Variants in CNTN3 observed in about 807,000 individuals in gnomAD.
CNTN3 encodes contactin 3.
Under a neutral mutation model 119.1 loss-of-function variants are expected in CNTN3, and 60 were observed. The ratio of observed to expected loss-of-function variants is 0.50; its 90% confidence interval spans 0.41 to 0.62. CNTN3 has a LOEUF of 0.62. CNTN3 is among the 20% of genes least tolerant of loss of function. CNTN3 has a pLI of 0.00. For missense variants in CNTN3, 1,101 were observed against 1,242.4 expected, an observed-to-expected ratio of 0.89 and a Z score of 1.71; for synonymous variants, 450 against 438.7, an observed-to-expected ratio of 1.03 and a Z score of -0.32.
At chr3:74,466,219 A>C (rs1458731929) in intron 4 of CNTN3, among the ~76,000 whole-genome samples, 1 of 152,198 alleles carries the variant, frequency 6.6e-6, no homozygotes, top group African/African-American at 2.4e-5. Flanking sequence ...AAACTTAGGA[A>C]GAATTTACAG....
At chr3:74,470,864 CG>C (rs1559619854) in intron 4 of CNTN3, among the ~76,000 whole-genome samples, 3 of 112,480 alleles carry the variant, frequency 2.7e-5, no homozygotes, top group African/African-American at 1.1e-4. Flanking sequence ...AAAACATATT[CG>C]GTTTTTTGTT....
chr3:74,392,254 A>C (rs955222215), intron 5 of CNTN3, among the ~76,000 whole-genome samples: 2 of 152,182 alleles, frequency 1.3e-5, no homozygotes, highest in African/African-American at 4.8e-5. Flanking sequence ...GAGGCAAGGG[A>C]GTTACTGATG....
In CNTN3 at chr3:74,614,551, T is replaced by G. The variant is rs996978242; in HGVS notation, c.-241A>C. Among the ~76,000 whole-genome samples the G allele has an allele frequency of 1.4e-5, 2 of 146,268 alleles. No homozygotes were observed. The highest frequency in any genetic ancestry group is 6.8e-5 in the Admixed American group (1 of 14,750). Reference sequence around the variant, plus strand: ...CGCCGCCGCAGGCGCAGCACCCTCGTCCGCACGGTTCCCGGCCCAGTCCAC... The same window carrying G: ...CGCCGCCGCAGGCGCAGCACCCTCGGCCGCACGGTTCCCGGCCCAGTCCAC... On this transcript the variant is annotated 5_prime_UTR_variant, in exon 1 of 23. Transcript: ENST00000263665.
At position 74,266,522 on chromosome 3, in the gene CNTN3, T is replaced by C. The variant is rs867120448; in HGVS notation, c.2945A>G (p.Asp982Gly). The C allele has an allele frequency of 6.2e-7, 1 of 1,613,446 alleles. No homozygotes were observed. Among genetic ancestry groups the C allele is most frequent in the Non-Finnish European group, 8.5e-7 (1 of 1,179,588 alleles). The change falls in exon 22 of 23, where the codon GAT becomes GGT. Residue 982 changes from aspartate to glycine, a missense_variant. Asp to Gly is a moderately conservative substitution (Grantham distance 94). Coordinates refer to ENST00000263665, the MANE Select transcript of CNTN3 (RefSeq NM_020872.3). The stretch of plus-strand genomic sequence containing the variant: ...CCTGATCTGTTCACTACTGGTCCCA[T>C]CCCCTCCATCTGTTGTGGCCTTGAC... ...IEVKATTDGG[D>G]GTSSEQIRIP...
At chr3:74,285,601 A>G in intron 19 of CNTN3, 110 bp from the exon 20 acceptor site, 1 of 1,107,662 alleles carries the variant, frequency 9.0e-7, no homozygotes, top group African/African-American at 1.6e-5. Flanking sequence ...TGTTCAACCA[A>G]TATTTACTGA....
intron 5 of CNTN3, among the ~76,000 whole-genome samples, chr3:74,373,915 G>T (rs919518045): frequency 6.6e-6 from 1 of 152,114 alleles, no homozygotes; most frequent in African/African-American, 2.4e-5. Flanking sequence ...GGTGCAGACT[G>T]GTGCAGACAT....
At chr3:74,408,578 G>A (rs541264827) in intron 5 of CNTN3, among the ~76,000 whole-genome samples, 13 of 152,180 alleles carry the variant, frequency 8.5e-5, no homozygotes, top group Non-Finnish European at 1.9e-4. Context: ...TTCCTAATGC[G>A]GCCAGATCTC....
intron 20 of CNTN3, among the ~76,000 whole-genome samples, chr3:74,279,814 A>G (rs1197482425): frequency 6.6e-6 from 1 of 152,010 alleles, no homozygotes; most frequent in African/African-American, 2.4e-5. Context: ...TAAAAGTCAA[A>G]CAATTGAACT....
intron 1 of CNTN3, among the ~76,000 whole-genome samples, chr3:74,611,748 C>T (rs1705085474): frequency 1.3e-5 from 2 of 152,098 alleles, no homozygotes; most frequent in African/African-American, 4.8e-5. Context: ...AAAGTATATG[C>T]ATATGCATGT....
intron 5 of CNTN3, among the ~76,000 whole-genome samples, chr3:74,376,457 T>C (rs949308360): frequency 6.6e-6 from 1 of 152,150 alleles, no homozygotes; most frequent in African/African-American, 2.4e-5. Flanking sequence ...GAACCGAACA[T>C]GTGAGGGATC....
intron 4 of CNTN3, among the ~76,000 whole-genome samples, chr3:74,453,375 T>C (rs1434647522): frequency 6.7e-6 from 1 of 149,938 alleles, no homozygotes; most frequent in Non-Finnish European, 1.5e-5. Context: ...CCCTTTATCA[T>C]TTTTTATTGC....
chr3:74,366,892 C>G (rs1203000970), intron 8 of CNTN3, among the ~76,000 whole-genome samples: 4 of 145,166 alleles, frequency 2.8e-5, no homozygotes, highest in Non-Finnish European at 6.0e-5. Context: ...CAGGAATGAT[C>G]AGCCTGAGAT....
chr3:74,298,062 C>T lies in CNTN3; in HGVS notation c.2296G>A (p.Glu766Lys). The T allele has an allele frequency of 6.2e-7, 1 of 1,614,076 alleles. No individual in the cohort carries two copies. The highest frequency in any genetic ancestry group is 2.2e-5 in the East Asian group (1 of 44,854). The stretch of plus-strand genomic sequence containing the variant: ...TATGGTGAATATGGCACGATGCTTT[C>T]ATTCCTAAAGACATATCTTGGGGTG... ...PDTPRYVFRNESIVPYSPYEV... is the reference protein window; with the variant it reads ...PDTPRYVFRNKSIVPYSPYEV... The change falls in exon 18 of 23, where the codon GAA becomes AAA. Residue 766 changes from glutamate to lysine, a missense_variant. Coordinates refer to ENST00000263665, the MANE Select transcript of CNTN3 (RefSeq NM_020872.3).
At chr3:74,359,975 T>C (rs78368717) in intron 11 of CNTN3, among the ~76,000 whole-genome samples, 3,304 of 152,292 alleles carry the variant, frequency 0.022, 51 homozygotes, top group Non-Finnish European at 0.032. Flanking sequence ...AATCACTAAT[T>C]AACCTCCTGT....
chr3:74,592,155 C>G (rs761974135), intron 1 of CNTN3, among the ~76,000 whole-genome samples: 4 of 151,792 alleles, frequency 2.6e-5, no homozygotes, highest in Non-Finnish European at 5.9e-5. Context: ...GAATGAGGAC[C>G]AGGACTCAAC....
intron 2 of CNTN3, among the ~76,000 whole-genome samples, chr3:74,504,711 T>C (rs532181370): frequency 6.6e-6 from 1 of 152,242 alleles, no homozygotes; most frequent in East Asian, 1.9e-4. Flanking sequence ...CCGGCCCTTC[T>C]TTCCAGCCCT....
Position 74,317,572 on chromosome 3 carries a change from G to T in CNTN3, c.1669-14765C>A, listed in dbSNP as rs376801222. ...TCTCAGCATTTGCTTGTCTGTAAAG[G>T]ATTTTATTTCTCCTTCACTTATGAA... On this transcript the variant is annotated intron_variant, in intron 13 of 22. Transcript: ENST00000263665. Among the ~76,000 whole-genome samples, 381 of 151,978 alleles carry T rather than the reference G, an allele frequency of 2.5e-3. 2 individuals are homozygous for T. Among genetic ancestry groups the T allele is most frequent in the African/African-American group, 8.7e-3 (360 of 41,438 alleles).
intron 4 of CNTN3, among the ~76,000 whole-genome samples, chr3:74,453,299 T>C (rs1702197781): frequency 6.6e-6 from 1 of 152,194 alleles, no homozygotes; most frequent in Admixed American, 6.5e-5. Context: ...CTAGTTTACT[T>C]GCGAAGAGGT....
intron 1 of CNTN3, among the ~76,000 whole-genome samples, chr3:74,563,268 A>T (rs1704179549): frequency 6.6e-6 from 1 of 152,152 alleles, no homozygotes; most frequent in South Asian, 2.1e-4. Flanking sequence ...CAGTAAGCCC[A>T]AAGTGGGGGA....
Sources: gnomAD v4.1 joint callset for allele counts (sites outside exome capture counted in the v4.1 genomes callset) on GRCh38, gnomAD v4.1.1 for gene constraint, MANE v1.5 for transcripts, NCBI Gene and HGNC (gene_info 2026-07-23, HGNC 2026-07-21) for gene names.